Variants in ADAMTS6 observed in about 807,000 individuals in gnomAD.
The protein encoded by ADAMTS6 is ADAM metallopeptidase with thrombospondin type 1 motif 6, also known as A disintegrin and metalloproteinase with thrombospondin motifs 6.
In ADAMTS6, 23 loss-of-function variants were observed where a neutral mutation model predicts 144.3. The ratio of observed to expected loss-of-function variants is 0.16; its 90% CI spans 0.11 to 0.23. ADAMTS6 has a LOEUF of 0.23. Ranked by LOEUF, ADAMTS6 falls within the 10% of genes least tolerant of loss-of-function variation. The pLI is 1.00. For synonymous variants in ADAMTS6, 444 were observed against 457.5 expected, an observed-to-expected ratio of 0.97 and a Z score of 0.38; for missense variants, 999 against 1,379.6, an observed-to-expected ratio of 0.72 and a Z score of 4.37.
intron 9 of ADAMTS6, among the ~76,000 whole-genome samples, chr5:65,325,682 C>G (rs1746096176): frequency 6.6e-6 from 1 of 151,966 alleles, no homozygotes; most frequent in African/African-American, 2.4e-5. Context: ...TTTGTAGGGA[C>G]AGAGTTTGGC....
rs368522219 is a variant in ADAMTS6, at chr5:65,226,248, G to C, written c.1934-29C>G. On this transcript the variant is annotated intron_variant, in intron 15 of 24. Transcript: ENST00000381055. ...GACAAATACAGTAGAAGAGAAATAA[G>C]TGGAGTGGTTGTCCTAATGAACAGT... The C allele has an allele frequency of 1.7e-4, 266 of 1,605,446 alleles. No individual in the cohort carries two copies. In the African/African-American group the frequency reaches 3.3e-3, roughly 20 times the overall value.
chr5:65,471,456 T>G (rs1760425107), intron 2 of ADAMTS6, among the ~76,000 whole-genome samples: 1 of 152,120 alleles, frequency 6.6e-6, no homozygotes, highest in Admixed American at 6.5e-5. Flanking sequence ...TAAAAAATAA[T>G]GAGAAGCACA....
intron 22 of ADAMTS6, among the ~76,000 whole-genome samples, chr5:65,184,948 C>A (rs1754580782): frequency 6.6e-6 from 1 of 152,106 alleles, no homozygotes; most frequent in African/African-American, 2.4e-5. Context: ...ATGTTTTCAC[C>A]AGTTGAACCT....
chr5:65,394,277 C>A (rs1753161854), intron 7 of ADAMTS6, among the ~76,000 whole-genome samples: 1 of 152,108 alleles, frequency 6.6e-6, no homozygotes, highest in Admixed American at 6.5e-5. Context: ...CCAAACTAGT[C>A]CACTTGGAAA....
At chr5:65,336,596 C>T (rs1251991265) in intron 7 of ADAMTS6, among the ~76,000 whole-genome samples, 2 of 151,938 alleles carry the variant, frequency 1.3e-5, no homozygotes, top group African/African-American at 4.8e-5. Context: ...ATTCTGTCCC[C>T]ATAATATTTT....
intron 3 of ADAMTS6, among the ~76,000 whole-genome samples, chr5:65,462,090 G>A (rs1337297898): frequency 6.6e-6 from 1 of 152,162 alleles, no homozygotes; most frequent in Non-Finnish European, 1.5e-5. Context: ...AAGGAAAATA[G>A]TCCCTATATT....
Position 65,334,023 on chromosome 5 carries a change from A to C in ADAMTS6, c.1117+19T>G, listed in dbSNP as rs998081381. ...AAAAAAAAAAAAAAAAAAAAAAAAA[A>C]AAACCAAAAAAAACTTACCCAGTGT... On this transcript the variant is annotated intron_variant, in intron 8 of 24. Transcript: ENST00000381055. 51 of 1,397,922 alleles carry C rather than the reference A, an allele frequency of 3.6e-5. No individual in the cohort carries two copies. The Middle Eastern group carries it at 5.7e-4, about 16-fold the overall frequency. The allele number at this position is 1,397,922 out of a possible 1,614,324, so 86.6% of individuals were successfully genotyped here.
intron 22 of ADAMTS6, among the ~76,000 whole-genome samples, chr5:65,179,001 G>C (rs765002463): frequency 6.6e-6 from 1 of 151,676 alleles, no homozygotes; most frequent in Non-Finnish European, 1.5e-5. Context: ...GTACGTGGAC[G>C]GGAGCTTCGC....
At chr5:65,195,836 CAAACAAGAATGA>C (rs1415328009) in intron 21 of ADAMTS6, among the ~76,000 whole-genome samples, 2 of 152,192 alleles carry the variant, frequency 1.3e-5, no homozygotes, top group Non-Finnish European at 2.9e-5. Context: ...TCCAATTTCT[CAAACAAGAATGA>C]AATGCCAATC....
intron 10 of ADAMTS6, among the ~76,000 whole-genome samples, chr5:65,298,666 A>G (rs956286456): frequency 1.3e-5 from 2 of 152,134 alleles, no homozygotes; most frequent in African/African-American, 4.8e-5. Context: ...TTCTGTTACT[A>G]AGATTAAAAA....
intron 14 of ADAMTS6, among the ~76,000 whole-genome samples, chr5:65,249,035 G>A (rs1759909356): frequency 1.3e-5 from 2 of 152,070 alleles, no homozygotes; most frequent in African/African-American, 2.4e-5. Context: ...GTGCGCGCAT[G>A]TCTGTCTGTG....
intron 7 of ADAMTS6, 99 bp from the exon 8 acceptor site, chr5:65,334,184 TTAA>T: frequency 7.7e-7 from 1 of 1,299,208 alleles, no homozygotes; most frequent in Non-Finnish European, 1.1e-6. Flanking sequence ...CAGACCACAA[TTAA>T]TGCAATTATG....
chr5:65,463,247 T>C (rs1759759027), intron 3 of ADAMTS6, among the ~76,000 whole-genome samples: 1 of 152,030 alleles, frequency 6.6e-6, no homozygotes, highest in Non-Finnish European at 1.5e-5. Flanking sequence ...AAGGTGGTAT[T>C]TGAGCAGAAA....
chr5:65,386,631 A>T (rs540207849), intron 7 of ADAMTS6, among the ~76,000 whole-genome samples: 56 of 152,280 alleles, frequency 3.7e-4, no homozygotes, highest in South Asian at 1.5e-3. Context: ...TCTGACACCC[A>T]GGCCAGAGTG....
chr5:65,185,179 T>C (rs1754595587), intron 22 of ADAMTS6, among the ~76,000 whole-genome samples: 1 of 152,258 alleles, frequency 6.6e-6, no homozygotes, highest in African/African-American at 2.4e-5. Flanking sequence ...TGTTCTCATT[T>C]TGTTCACAAT....
At chr5:65,476,056 T>TG (rs1760820351) in intron 1 of ADAMTS6, among the ~76,000 whole-genome samples, 1 of 118 alleles carries the variant, frequency 8.5e-3, no homozygotes, top group Admixed American at 0.12. Context: ...CTGACTTCCA[T>TG]CTGCTAGCCA....
At chr5:65,405,153 G>T (rs556822785) in intron 7 of ADAMTS6, among the ~76,000 whole-genome samples, 75 of 152,278 alleles carry the variant, frequency 4.9e-4, no homozygotes, top group African/African-American at 1.7e-3. Flanking sequence ...AGTTTAATTA[G>T]ATCCCAATTG....
chr5:65,191,340 C>T (rs1755007586), intron 21 of ADAMTS6, among the ~76,000 whole-genome samples: 2 of 152,004 alleles, frequency 1.3e-5, no homozygotes. Context: ...AAAAAATTTG[C>T]CCCAACCTTG....
intron 20 of ADAMTS6, among the ~76,000 whole-genome samples, chr5:65,205,118 A>T (rs1041269352): frequency 6.8e-6 from 1 of 146,496 alleles, no homozygotes; most frequent in East Asian, 2.0e-4. Context: ...TTGAATCTTG[A>T]AAAAAAAAAA....
Sources: allele counts gnomAD v4.1 joint callset (sites outside exome capture counted in the v4.1 genomes callset), GRCh38; gene constraint gnomAD v4.1.1; transcripts MANE v1.5; gene names NCBI Gene and HGNC (gene_info 2026-07-23, HGNC 2026-07-21).